The following SASH1 variants were observed in gnomAD, a reference collection of about 807,000 sequenced individuals.
The protein encoded by SASH1 is SAM and SH3 domain containing 1.
In SASH1, 44 loss-of-function variants were observed where a neutral mutation model predicts 125.2. That is an observed-to-expected ratio of 0.35 (90% CI 0.28 to 0.45). The LOEUF (loss-of-function observed/expected upper bound fraction) is 0.45. Ranked by LOEUF, SASH1 falls within the 20% of genes least tolerant of loss-of-function variation. The pLI is 1.00. For missense variants in SASH1, 1,426 were observed against 1,614.5 expected (o/e 0.88, Z 2.00); for synonymous variants, 639 against 649.1 (o/e 0.98, Z 0.24).
At chr6:148,379,989 A>G (rs2114780615) in intron 1 of SASH1, 1 of 456,066 alleles carries the variant, frequency 2.2e-6, no homozygotes, top group Non-Finnish European at 4.4e-6. Context: ...TAGGTGCCAC[A>G]CAAAGAGTAT....
intron 1 of SASH1, among the ~76,000 whole-genome samples, chr6:148,305,206 G>A (rs79924768): frequency 0.066 from 10,076 of 152,114 alleles, 378 homozygotes; most frequent in African/African-American, 0.11. Flanking sequence ...AGTTCTTTGC[G>A]TCTTTTGTCT....
chr6:148,360,290 G>C (rs1782138896), intron 1 of SASH1, among the ~76,000 whole-genome samples: 1 of 150,788 alleles, frequency 6.6e-6, no homozygotes, highest in South Asian at 2.1e-4. Flanking sequence ...ATTTTTGTGT[G>C]ATAGCTGGAA....
At chr6:148,334,686 C>T (rs947176692) in intron 1 of SASH1, among the ~76,000 whole-genome samples, 22 of 151,482 alleles carry the variant, frequency 1.5e-4, no homozygotes, top group South Asian at 6.3e-4. Flanking sequence ...GTGGCACGCG[C>T]GTGTAATCCT....
chr6:148,388,895 T>A (rs1483840073), intron 1 of SASH1, among the ~76,000 whole-genome samples: 1 of 151,992 alleles, frequency 6.6e-6, no homozygotes, highest in African/African-American at 2.4e-5. Context: ...AAAAGTCGTA[T>A]TTTCCTTGGT....
intron 1 of SASH1, among the ~76,000 whole-genome samples, chr6:148,386,107 AGCTAGTGTCCACT>A: frequency 6.6e-6 from 1 of 152,278 alleles, no homozygotes; most frequent in East Asian, 1.9e-4. Context: ...GAAAACACCC[AGCTAGTGTCCACT>A]GCAGAACTTG....
intron 1 of SASH1, chr6:148,379,875 G>A (rs1186867463): frequency 4.2e-5 from 19 of 456,138 alleles, no homozygotes; most frequent in Middle Eastern, 6.5e-4. Context: ...TTCCATCACC[G>A]CTGATCTTGT....
intron 1 of SASH1, among the ~76,000 whole-genome samples, chr6:148,372,521 T>C (rs1782738991): frequency 6.6e-6 from 1 of 152,186 alleles, no homozygotes; most frequent in Non-Finnish European, 1.5e-5. Context: ...ATGGATGTTT[T>C]ACAAGTTAAA....
At chr6:148,436,241 A>G (rs1300080966) in intron 2 of SASH1, among the ~76,000 whole-genome samples, 2 of 152,146 alleles carry the variant, frequency 1.3e-5, no homozygotes, top group Non-Finnish European at 2.9e-5. Flanking sequence ...TACAAATCTC[A>G]GCACTTTGGG....
chr6:148,442,660 A>G (rs370402161), intron 4 of SASH1, among the ~76,000 whole-genome samples: 1 of 152,202 alleles, frequency 6.6e-6, no homozygotes, highest in African/African-American at 2.4e-5. Flanking sequence ...CCTAAGGACA[A>G]TGACATTCTG....
chr6:148,308,482 G>A (rs983017084), intron 1 of SASH1, among the ~76,000 whole-genome samples: 1 of 149,512 alleles, frequency 6.7e-6, no homozygotes, highest in Non-Finnish European at 1.5e-5. Flanking sequence ...TGTAACCTCC[G>A]CTTCCCAGGT....
chr6:148,304,768 C>T (rs535282385), intron 1 of SASH1, among the ~76,000 whole-genome samples: 1 of 152,340 alleles, frequency 6.6e-6, no homozygotes, highest in East Asian at 1.9e-4. Flanking sequence ...TGGCTCACGC[C>T]TGTAATCCCA....
chr6:148,284,428 G>C (rs909872380), intron 1 of SASH1, among the ~76,000 whole-genome samples: 3 of 151,948 alleles, frequency 2.0e-5, no homozygotes, highest in Admixed American at 6.6e-5. Context: ...GACAGAGTAA[G>C]ACTCCATCCC....
chr6:148,466,325 C>T (rs1381163300), intron 4 of SASH1, among the ~76,000 whole-genome samples: 4 of 152,324 alleles, frequency 2.6e-5, no homozygotes, highest in South Asian at 2.1e-4. Context: ...TGGTCATCAA[C>T]AGTTCTCTGC....
chr6:148,242,253 G>T, the SASH1 span, among the ~76,000 whole-genome samples: 1 of 152,332 alleles, frequency 6.6e-6, no homozygotes, highest in Middle Eastern at 3.4e-3. Context: ...TTGTGATTCA[G>T]AGAAACAGAA....
chr6:148,259,130 A>G, the SASH1 span, among the ~76,000 whole-genome samples: 1 of 152,106 alleles, frequency 6.6e-6, no homozygotes, highest in Non-Finnish European at 1.5e-5. Context: ...TCTGCGAGGG[A>G]TGAGGGAGAG....
the SASH1 span, among the ~76,000 whole-genome samples, chr6:148,208,729 G>A: frequency 6.6e-6 from 1 of 152,104 alleles, no homozygotes; most frequent in Non-Finnish European, 1.5e-5. Context: ...CTTCTGGAAT[G>A]CCTTTCTATA....
At chr6:148,413,151 A>G (rs1784690830) in intron 2 of SASH1, among the ~76,000 whole-genome samples, 1 of 152,176 alleles carries the variant, frequency 6.6e-6, no homozygotes, top group Non-Finnish European at 1.5e-5. Context: ...TGACTTGGAG[A>G]ATAGGTTCCA....
chr6:148,483,393 C>T (rs1778713468), intron 7 of SASH1, among the ~76,000 whole-genome samples: 1 of 152,190 alleles, frequency 6.6e-6, no homozygotes, highest in Non-Finnish European at 1.5e-5. Flanking sequence ...CTCTTTAGGC[C>T]TCCATCCCCA....
chr6:148,205,928 C>T, the SASH1 span, among the ~76,000 whole-genome samples: 1 of 152,216 alleles, frequency 6.6e-6, no homozygotes, highest in East Asian at 1.9e-4. Flanking sequence ...TATCCTTTTG[C>T]ATTCCATTGC....
Sources: allele counts gnomAD v4.1 joint callset (sites outside exome capture counted in the v4.1 genomes callset), GRCh38; gene constraint gnomAD v4.1.1; transcripts MANE v1.5; gene names NCBI Gene and HGNC (gene_info 2026-07-23, HGNC 2026-07-21).